Variants in ZNF280D observed in about 807,000 individuals in gnomAD.
The protein encoded by ZNF280D is suppressor of hairy wing homolog 4.
ZNF280D carries 39 observed loss-of-function variants against 94.7 expected under a neutral mutation model. The ratio of observed to expected loss-of-function variants is 0.41; its 90% CI spans 0.32 to 0.54. ZNF280D has a LOEUF of 0.54. Ranked by LOEUF, ZNF280D falls within the 20% of genes least tolerant of loss-of-function variation. ZNF280D has a pLI of 0.22. For synonymous variants in ZNF280D, 398 were observed against 377.6 expected (o/e 1.05, Z -0.63); for missense variants, 1,090 against 1,149.3 (o/e 0.95, Z 0.75).
chr15:56,653,470 A>G (rs904414791), intron 19 of ZNF280D: 105 of 1,501,802 alleles, frequency 7.0e-5, no homozygotes, highest in Non-Finnish European at 8.8e-5. Flanking sequence ...ACAACCTAAG[A>G]GCAGGTCCCA....
intron 16 of ZNF280D, among the ~76,000 whole-genome samples, chr15:56,658,910 G>C (rs1358276049): frequency 6.6e-6 from 1 of 151,980 alleles, no homozygotes; most frequent in Non-Finnish European, 1.5e-5. Flanking sequence ...TTTGTGTAGG[G>C]GGAGTGGGGT....
intron 9 of ZNF280D, 64 bp downstream of exon 9, chr15:56,688,977 G>A: frequency 1.0e-6 from 1 of 999,908 alleles, no homozygotes; most frequent in Non-Finnish European, 1.5e-6. Context: ...ATTAATTACT[G>A]TAATCATCAG....
intron 20 of ZNF280D, among the ~76,000 whole-genome samples, chr15:56,641,103 T>A (rs896740509): frequency 1.3e-5 from 2 of 152,100 alleles, no homozygotes; most frequent in Admixed American, 6.6e-5. Flanking sequence ...CTCATAATTA[T>A]CAATACTCTT....
At position 56,704,267 on chromosome 15, in the gene ZNF280D, C is replaced by A; in HGVS notation, c.29G>T (p.Ser10Ile). The A allele has an allele frequency of 6.2e-7, 1 of 1,601,304 alleles. No individual in the cohort carries two copies. The highest frequency in any genetic ancestry group is 8.5e-7 in the Non-Finnish European group (1 of 1,176,424). MGDNPFQPK[S>I]NSKMAELFME... ...AAACAGTTCTGCCATTTTTGAATTACCTAATTTTCAAAAGGAGAGAAGTAA... is the reference window on the plus strand; with the variant it reads ...AAACAGTTCTGCCATTTTTGAATTAACTAATTTTCAAAAGGAGAGAAGTAA... Residue 10 changes from serine to isoleucine, a missense_variant and splice_region_variant, in exon 4 of 22, where the codon AGT becomes ATT. Transcript: ENST00000267807.
chr15:56,730,492 T>C (rs2058832765), intron 1 of ZNF280D: 1 of 152,180 alleles, frequency 6.6e-6, no homozygotes, highest in Admixed American at 6.5e-5. Context: ...AACACTGGAA[T>C]GAAAAAGGAC....
intron 1 of ZNF280D, among the ~76,000 whole-genome samples, chr15:56,723,844 C>T (rs1218092889): frequency 4.4e-5 from 5 of 114,332 alleles, no homozygotes; most frequent in Non-Finnish European, 1.1e-4. Context: ...CCATCATTAG[C>T]TGAAAATATC....
At chr15:56,661,974 CTTG>C (rs2053971282) in intron 16 of ZNF280D, among the ~76,000 whole-genome samples, 1 of 152,128 alleles carries the variant, frequency 6.6e-6, no homozygotes, top group Non-Finnish European at 1.5e-5. Context: ...CAAATCCAGA[CTTG>C]TTTGATTCTT....
chr15:56,694,566 T>C (rs929871806), intron 6 of ZNF280D, among the ~76,000 whole-genome samples: 3 of 152,054 alleles, frequency 2.0e-5, no homozygotes, highest in Non-Finnish European at 4.4e-5. Flanking sequence ...ACGAAATACC[T>C]TTTTTCCAAA....
At chr15:56,691,036 G>A (rs2056394794) in intron 7 of ZNF280D, among the ~76,000 whole-genome samples, 1 of 152,062 alleles carries the variant, frequency 6.6e-6, no homozygotes, top group Admixed American at 6.5e-5. Flanking sequence ...TTACAGAGCT[G>A]CTTTAAGGAC....
intron 1 of ZNF280D, among the ~76,000 whole-genome samples, chr15:56,723,498 A>G (rs1242521506): frequency 2.0e-5 from 3 of 152,200 alleles, no homozygotes; most frequent in Non-Finnish European, 4.4e-5. Flanking sequence ...AATGCCAGTG[A>G]ACCGTATATT....
Position 56,677,564 on chromosome 15 carries a change from G to A in ZNF280D, c.1263+10C>T, listed in dbSNP as rs1387414411. On this transcript the variant is annotated intron_variant, in intron 12 of 21. Transcript: ENST00000267807. ...CAAACACTTAAAAAAACAATAAAAT[G>A]TATGTGTACCTGGCAGACATATGGC... 1 of 1,568,792 alleles carries A rather than the reference G, an allele frequency of 6.4e-7. No individual in the cohort carries two copies. The highest frequency in any genetic ancestry group is 8.8e-7 in the Non-Finnish European group (1 of 1,140,938).
rs1487070710 is a variant in ZNF280D, at chr15:56,654,322, G to T, written c.2176+63C>A. 3.1e-6 allele frequency: 5 copies of T among 1,597,150 alleles called. No individual in the cohort carries two copies. In the Admixed American group the frequency reaches 7.1e-5, roughly 23 times the overall value. On this transcript the variant is annotated intron_variant, in intron 18 of 21. Coordinates refer to ENST00000267807, the MANE Select transcript of ZNF280D (RefSeq NM_017661.4). ...TGATTTAGTAAAGAGACCATATTGTGGATGACCAAAAATACTGGAATAAAA... is the reference window on the plus strand; with the variant it reads ...TGATTTAGTAAAGAGACCATATTGTTGATGACCAAAAATACTGGAATAAAA...
intron 13 of ZNF280D, among the ~76,000 whole-genome samples, chr15:56,669,800 T>C (rs1198794658): frequency 2.6e-5 from 3 of 115,676 alleles, no homozygotes; most frequent in Non-Finnish European, 3.5e-5. Flanking sequence ...ACCAGGGCCC[T>C]GATCCAGTGT....
intron 7 of ZNF280D, among the ~76,000 whole-genome samples, chr15:56,689,815 T>C (rs1266686982): frequency 6.6e-6 from 1 of 151,234 alleles, no homozygotes; most frequent in African/African-American, 2.4e-5. Context: ...TTCTGACAAA[T>C]GAATTATCTT....
chr15:56,696,993 C>T (rs1336289985), intron 6 of ZNF280D, among the ~76,000 whole-genome samples: 1 of 152,148 alleles, frequency 6.6e-6, no homozygotes, highest in Non-Finnish European at 1.5e-5. Flanking sequence ...TTTTCCCCAT[C>T]CTCGGTCAAA....
At chr15:56,704,798 TG>T (rs2057302248) in intron 3 of ZNF280D, among the ~76,000 whole-genome samples, 1 of 151,968 alleles carries the variant, frequency 6.6e-6, no homozygotes, top group South Asian at 2.1e-4. Context: ...CTGGCCAACA[TG>T]GTGAAACCCC....
chr15:56,731,753 A>AT (rs1567056470), intron 1 of ZNF280D, among the ~76,000 whole-genome samples: 1 of 152,112 alleles, frequency 6.6e-6, no homozygotes, highest in Non-Finnish European at 1.5e-5. Context: ...AGAATGTGAG[A>AT]TAAGTGGAAA....
intron 1 of ZNF280D, among the ~76,000 whole-genome samples, chr15:56,731,912 C>T (rs1006941786): frequency 2.0e-5 from 3 of 152,130 alleles, no homozygotes; most frequent in African/African-American, 7.2e-5. Flanking sequence ...ATGGTGCACA[C>T]CTGTAATCCC....
intron 14 of ZNF280D, among the ~76,000 whole-genome samples, chr15:56,668,572 C>T (rs1471500167): frequency 1.3e-5 from 2 of 152,062 alleles, no homozygotes; most frequent in Admixed American, 6.6e-5. Flanking sequence ...AATATTGAAA[C>T]AACCCATTGA....
Sources: gnomAD v4.1 joint callset for allele counts (sites outside exome capture counted in the v4.1 genomes callset) on GRCh38, gnomAD v4.1.1 for gene constraint, MANE v1.5 for transcripts, NCBI Gene and HGNC (gene_info 2026-07-23, HGNC 2026-07-21) for gene names.